Variants in PTK2B observed in about 807,000 individuals in gnomAD.
PTK2B encodes the protein protein-tyrosine kinase 2-beta.
Under a neutral mutation model 142.9 loss-of-function variants are expected in PTK2B, and 71 were observed. The ratio of observed to expected loss-of-function variants is 0.50; its 90% CI spans 0.41 to 0.61. PTK2B has a LOEUF of 0.61. Among genes scored for constraint, PTK2B ranks in the 20% least tolerant of loss-of-function variants. The probability of loss-of-function intolerance (pLI) is 0.00; values close to 1 mark genes in which losing one functional copy is unlikely to be tolerated. For synonymous variants in PTK2B, 519 were observed against 503.4 expected, an observed-to-expected ratio of 1.03 and a Z score of -0.42; for missense variants, 1,105 against 1,320.4, an observed-to-expected ratio of 0.84 and a Z score of 2.53.
chr8:27,447,516 G>A (rs1430148058), intron 24 of PTK2B, among the ~76,000 whole-genome samples: 1 of 152,204 alleles, frequency 6.6e-6, no homozygotes, highest in East Asian at 1.9e-4. Context: ...CCAGCATTGG[G>A]ATGGCAGCAG....
At chr8:27,318,384 T>G (rs1029609818) in intron 3 of PTK2B, among the ~76,000 whole-genome samples, 1 of 152,172 alleles carries the variant, frequency 6.6e-6, no homozygotes, top group Admixed American at 6.5e-5. Context: ...CCATGGGATG[T>G]TGGGGACCAG....
chr8:27,397,617 A>T lies in PTK2B; in HGVS notation c.33A>T (p.Val11=). Residue 11 remains valine (V), a synonymous_variant, in exon 2 of 31, where the codon GTA becomes GTT. Transcript: ENST00000346049. ...GGGTGTCCGAGCCCCTGAGTCGAGTAAAGTTGGGCACGTTACGCCGGCCTG... is the reference window on the plus strand; with the variant it reads ...GGGTGTCCGAGCCCCTGAGTCGAGTTAAGTTGGGCACGTTACGCCGGCCTG... MSGVSEPLSR[V]KLGTLRRPEG... 1 of 1,614,136 alleles carries T rather than the reference A, an allele frequency of 6.2e-7. No individual in the cohort carries two copies. Among genetic ancestry groups the T allele is most frequent in the Admixed American group, 1.7e-5 (1 of 60,022 alleles).
intron 1 of PTK2B, among the ~76,000 whole-genome samples, chr8:27,348,580 C>T (rs1441662295): frequency 2.6e-5 from 4 of 152,184 alleles, no homozygotes; most frequent in Admixed American, 2.6e-4. Context: ...ACAATACAAA[C>T]AGTTCCCTGG....
chr8:27,342,896 A>C (rs1263206257), intron 1 of PTK2B, among the ~76,000 whole-genome samples: 1 of 152,154 alleles, frequency 6.6e-6, no homozygotes, highest in Non-Finnish European at 1.5e-5. Flanking sequence ...CCTGAGAAAC[A>C]AACCAAAGCA....
Position 27,433,443 on chromosome 8 carries a change from C to T in PTK2B, c.996C>T (p.Ser332=). 1 of 1,613,946 alleles carries T rather than the reference C, an allele frequency of 6.2e-7. No individual in the cohort carries two copies. Among genetic ancestry groups the T allele is most frequent in the East Asian group, 2.2e-5 (1 of 44,870 alleles). Residue 332 remains serine, a synonymous_variant, in exon 11 of 31, where the codon TCC becomes TCT. Coordinates refer to ENST00000346049, the MANE Select transcript of PTK2B (RefSeq NM_173176.3). ...LGIEGAPQAL[S]IKTSSLAEAE... ...TGGTCTCTGCTCCGCAGGCCTTGTCCATCAAAACCTCATCCCTAGCAGAGG... is the reference window on the plus strand; with the variant it reads ...TGGTCTCTGCTCCGCAGGCCTTGTCTATCAAAACCTCATCCCTAGCAGAGG...
At chr8:27,392,118 C>T (rs967570303) in intron 1 of PTK2B, among the ~76,000 whole-genome samples, 2 of 152,220 alleles carry the variant, frequency 1.3e-5, no homozygotes, top group Admixed American at 6.5e-5. Context: ...AGGCTATTGA[C>T]GAGTAGTTCA....
chr8:27,345,409 T>G (rs1040225973), intron 1 of PTK2B, among the ~76,000 whole-genome samples: 1 of 152,216 alleles, frequency 6.6e-6, no homozygotes, highest in Non-Finnish European at 1.5e-5. Flanking sequence ...ACATGCCACA[T>G]CCTTGGGGCA....
chr8:27,355,270 G>A (rs543356064), intron 1 of PTK2B, among the ~76,000 whole-genome samples: 1 of 152,282 alleles, frequency 6.6e-6, no homozygotes, highest in East Asian at 1.9e-4. Flanking sequence ...AGGCAGGAAG[G>A]TCAGAGTAAG....
intron 25 of PTK2B, 32 bp downstream of exon 25, chr8:27,450,927 G>T (rs974045595): frequency 6.2e-7 from 1 of 1,614,032 alleles, no homozygotes. Flanking sequence ...TCGGTGCCCT[G>T]CACCCATCTG....
chr8:27,454,093 A>G, intron 28 of PTK2B, 61 bp from the exon 29 acceptor site: 2 of 1,603,194 alleles, frequency 1.2e-6, no homozygotes, highest in Non-Finnish European at 1.7e-6. Flanking sequence ...CTGCCCAGGA[A>G]AGAATCATTC....
rs371111477 is a variant in PTK2B at position 27,444,275 on chromosome 8, A to G, written c.2214+4A>G. 3.1e-6 allele frequency: 5 copies of G among 1,612,226 alleles called. No homozygotes were observed. In the African/African-American group the frequency reaches 6.7e-5, roughly 22 times the overall value. ...GGCTCCAAAGCTGCAGTTCCAGGTA[A>G]AGATAGAACCAGAGGACGGGAACTT... On this transcript the variant is annotated splice_donor_region_variant and intron_variant, in intron 23 of 30. Coordinates refer to ENST00000346049, the MANE Select transcript of PTK2B (RefSeq NM_173176.3).
At chr8:27,364,086 G>C (rs186718239) in intron 1 of PTK2B, among the ~76,000 whole-genome samples, 2 of 152,220 alleles carry the variant, frequency 1.3e-5, no homozygotes, top group African/African-American at 4.8e-5. Flanking sequence ...AGCTGCATCA[G>C]CGTCCCGTTT....
At chr8:27,437,729 A>G (rs755411534) in intron 17 of PTK2B, 36 bp from the exon 18 acceptor site, 3 of 1,576,114 alleles carry the variant, frequency 1.9e-6, no homozygotes, top group South Asian at 2.3e-5. Context: ...ACTGGGACCA[A>G]CCAGGGGTCT....
chr8:27,451,744 G>A, intron 27 of PTK2B: 1 of 1,389,498 alleles, frequency 7.2e-7, no homozygotes, highest in Non-Finnish European at 9.3e-7. Context: ...CACATCCTTA[G>A]GCCCCTCCTC....
chr8:27,378,298 A>G (rs1003612602), intron 1 of PTK2B, among the ~76,000 whole-genome samples: 2 of 152,238 alleles, frequency 1.3e-5, no homozygotes, highest in African/African-American at 4.8e-5. Context: ...CCCAGACCTT[A>G]AGGAATCTTG....
At chr8:27,433,941 C>T in intron 11 of PTK2B, 152 bp from the exon 12 acceptor site, 1 of 1,080,300 alleles carries the variant, frequency 9.3e-7, no homozygotes, top group Admixed American at 1.8e-5. Context: ...CCACTTCTGG[C>T]CCAAGGCCTC....
rs895009151 is a variant in PTK2B at position 27,433,473 on chromosome 8, G to C, written c.1026G>C (p.Glu342Asp). 4 of 1,614,078 alleles carry C rather than the reference G, an allele frequency of 2.5e-6. No individual in the cohort carries two copies. Among genetic ancestry groups the C allele is most frequent in the Non-Finnish European group, 3.4e-6 (4 of 1,180,022 alleles). The change falls in exon 11 of 31, where the codon GAG becomes GAC. Residue 342 changes from glutamate (E) to aspartate (D), a missense_variant. Glu to Asp is a conservative substitution (Grantham distance 45). Transcript: ENST00000346049. Reference sequence around the variant, plus strand: ...AAACCTCATCCCTAGCAGAGGCTGAGAACATGGCTGACCTCATAGACGGCT... The same window carrying C: ...AAACCTCATCCCTAGCAGAGGCTGACAACATGGCTGACCTCATAGACGGCT... ...SIKTSSLAEA[E>D]NMADLIDGYC...
chr8:27,435,915 TAGAC>T (rs1810747163), intron 14 of PTK2B, 122 bp downstream of exon 14: 2 of 1,281,380 alleles, frequency 1.6e-6, no homozygotes, highest in Non-Finnish European at 2.3e-6. Context: ...GTGCTAGACT[TAGAC>T]AGTGGCAAAC....
chr8:27,375,971 G>C (rs1166643849), intron 1 of PTK2B, among the ~76,000 whole-genome samples: 1 of 152,216 alleles, frequency 6.6e-6, no homozygotes, highest in Non-Finnish European at 1.5e-5. Context: ...CCCAAGAGTG[G>C]GAGGTTAGTC....
Sources: allele counts gnomAD v4.1 joint callset (sites outside exome capture counted in the v4.1 genomes callset), GRCh38; gene constraint gnomAD v4.1.1; transcripts MANE v1.5; gene names NCBI Gene and HGNC (gene_info 2026-07-23, HGNC 2026-07-21).